The following ATP13A4 variants were observed in gnomAD, a reference collection of about 807,000 sequenced individuals.
The protein encoded by ATP13A4 is ATPase 13A4.
Under a neutral mutation model 142.5 loss-of-function variants are expected in ATP13A4, and 114 were observed. The observed-to-expected ratio is 0.80, with a 90% confidence interval of 0.69 to 0.93. The LOEUF is 0.93. Among genes scored for constraint, ATP13A4 ranks in the 40% least tolerant of loss-of-function variants. The probability of loss-of-function intolerance (pLI) is 0.00; values close to 1 mark genes in which losing one functional copy is unlikely to be tolerated. For missense variants in ATP13A4, 1,392 were observed against 1,454.0 expected (o/e 0.96, Z 0.69); for synonymous variants, 488 against 514.8 (o/e 0.95, Z 0.70).
rs1717076012 is a variant in ATP13A4, at chr3:193,448,333, G to A, written c.2028-3C>T. On this transcript the variant is annotated splice_region_variant and splice_polypyrimidine_tract_variant and intron_variant, in intron 17 of 29. Transcript: ENST00000342695. ...TCAGGTCTGATTCTACCGTCTCCCTGAAAATACATATATAGATGTATTGAA... is the reference window on the plus strand; with the variant it reads ...TCAGGTCTGATTCTACCGTCTCCCTAAAAATACATATATAGATGTATTGAA... 1 of 1,613,660 alleles carries A rather than the reference G, an allele frequency of 6.2e-7. No homozygotes were observed. Among genetic ancestry groups the A allele is most frequent in the Non-Finnish European group, 8.5e-7 (1 of 1,179,942 alleles).
At chr3:193,458,737 G>A (rs980425997) in intron 14 of ATP13A4, 16 of 482,286 alleles carry the variant, frequency 3.3e-5, no homozygotes, top group African/African-American at 9.6e-5. Context: ...GAAAATCTTC[G>A]AAACCAGACA....
intron 26 of ATP13A4, among the ~76,000 whole-genome samples, chr3:193,412,826 A>G (rs1358550077): frequency 1.3e-5 from 2 of 152,178 alleles, no homozygotes; most frequent in African/African-American, 4.8e-5. Flanking sequence ...GTTTGAGACC[A>G]GCCTGGCCCA....
At chr3:193,554,449 T>C (rs1394681129) in intron 1 of ATP13A4, 1 of 480,894 alleles carries the variant, frequency 2.1e-6, no homozygotes, top group African/African-American at 2.0e-5. Context: ...CAAACAAGAA[T>C]CATAAAGTGC....
upstream of ATP13A4, among the ~76,000 whole-genome samples, chr3:193,556,327 C>T (rs1723887096): frequency 6.6e-6 from 1 of 152,052 alleles, no homozygotes; most frequent in Non-Finnish European, 1.5e-5. Context: ...CCAACCTGAC[C>T]CAAATAACCC....
At chr3:193,476,006 A>T (rs771811386) in intron 8 of ATP13A4, among the ~76,000 whole-genome samples, 3 of 152,080 alleles carry the variant, frequency 2.0e-5, no homozygotes, top group Admixed American at 6.5e-5. Flanking sequence ...AAACACAAGT[A>T]CAATGAATAA....
In ATP13A4 at chr3:193,456,895, T is replaced by C. The variant is rs879241625; in HGVS notation, c.1915+105A>G. 91 of 1,367,204 alleles carry C rather than the reference T, an allele frequency of 6.7e-5. 1 individual carries two copies. In the South Asian group the frequency reaches 7.1e-4, roughly 11 times the overall value. The allele number at this position is 1,367,204 out of a possible 1,614,324, so 84.7% of individuals were successfully genotyped here. On this transcript the variant is annotated intron_variant, in intron 16 of 29. Coordinates refer to ENST00000342695, the MANE Select transcript of ATP13A4 (RefSeq NM_032279.4). ...TTTGGAATGCCAGTGAGCCACCCAA[T>C]TGGTGATGACCCATAGGCGATTGAA...
In ATP13A4 at chr3:193,459,193, AAAG is replaced by A; in HGVS notation, c.1559_1561del (p.Ala520_Leu521delinsVal). ...CGCTGCACACAGTGGGCCCCATGGC[AAAG>A]CCTGGCCTGAGGCAAAGCTGTGAAC... On this transcript the variant is annotated inframe_deletion, in exon 14 of 30. Coordinates refer to ENST00000342695, the MANE Select transcript of ATP13A4 (RefSeq NM_032279.4). 6.2e-7 allele frequency: 1 copy of A among 1,614,258 alleles called. No homozygotes were observed. Among genetic ancestry groups the A allele is most frequent in the South Asian group, 1.1e-5 (1 of 91,084 alleles).
chr3:193,462,222 CA>C (rs57279285), intron 13 of ATP13A4, among the ~76,000 whole-genome samples: 53,974 of 109,590 alleles, frequency 0.49, 9,977 homozygotes, highest in South Asian at 0.55. Flanking sequence ...AACTCCGTCT[CA>C]AAAAAAAAAA....
intron 1 of ATP13A4, among the ~76,000 whole-genome samples, chr3:193,547,549 C>T (rs1273500051): frequency 6.6e-6 from 1 of 152,200 alleles, no homozygotes; most frequent in Non-Finnish European, 1.5e-5. Flanking sequence ...TCATACTCCA[C>T]CCTCCAGGCA....
At chr3:193,483,203 G>A (rs2108657931) in intron 8 of ATP13A4, among the ~76,000 whole-genome samples, 1 of 152,154 alleles carries the variant, frequency 6.6e-6, no homozygotes, top group South Asian at 2.1e-4. Context: ...ATAATATTGA[G>A]CCTGGAAATG....
chr3:193,503,943 G>T (rs1373584189), intron 2 of ATP13A4, among the ~76,000 whole-genome samples: 2 of 151,392 alleles, frequency 1.3e-5, no homozygotes, highest in Non-Finnish European at 2.9e-5. Context: ...GGTAGGAATT[G>T]TGTATGATGC....
intron 25 of ATP13A4, among the ~76,000 whole-genome samples, chr3:193,421,670 A>T (rs1460761950): frequency 6.7e-6 from 1 of 149,910 alleles, no homozygotes; most frequent in East Asian, 2.1e-4. Context: ...AATTGGGGGA[A>T]GGATGAAAGT....
At chr3:193,565,885 T>G (rs1483580971) in intron 2 of ATP13A4, among the ~76,000 whole-genome samples, 1 of 152,264 alleles carries the variant, frequency 6.6e-6, no homozygotes, top group African/African-American at 2.4e-5. Context: ...TGAGCCTCAG[T>G]TGACTAATCT....
At chr3:193,421,726 C>T (rs1466446386) in intron 25 of ATP13A4, among the ~76,000 whole-genome samples, 4 of 149,772 alleles carry the variant, frequency 2.7e-5, no homozygotes, top group East Asian at 4.1e-4. Flanking sequence ...CAGTGTAAAA[C>T]AGTCCATTAT....
chr3:193,539,401 G>A (rs1284861050), intron 1 of ATP13A4, among the ~76,000 whole-genome samples: 3 of 152,176 alleles, frequency 2.0e-5, no homozygotes, highest in African/African-American at 4.8e-5. Context: ...CCTGTGGCAT[G>A]GACAACTTCT....
rs548513569 is a variant in ATP13A4 at position 193,408,142 on chromosome 3, G to A, written c.3298-749C>T. Among the ~76,000 whole-genome samples the A allele has an allele frequency of 7.4e-4, 113 of 152,372 alleles. 1 individual carries two copies. The highest frequency in any genetic ancestry group is 1.2e-3 in the Non-Finnish European group (85 of 68,042). ...GTGCCAAGGGCATCCCATTGTATCT[G>A]GCACTGACTTATGCATTGCCTCATA... On this transcript the variant is annotated intron_variant, in intron 28 of 29. Coordinates refer to ENST00000342695, the MANE Select transcript of ATP13A4 (RefSeq NM_032279.4).
chr3:193,459,110 C>G lies in ATP13A4; in HGVS notation c.1645G>C (p.Asp549His), dbSNP rs756351407. Reference sequence around the variant, plus strand: ...GTGGTGGCTTCAAACATTTTGAGGTCCAGAGGGTCTCCCTGGATGGTCCCA... The same window carrying G: ...GTGGTGGCTTCAAACATTTTGAGGTGCAGAGGGTCTCCCTGGATGGTCCCA... Reference protein sequence around the residue: ...LDGTIQGDPLDLKMFEATTWE... With the variant: ...LDGTIQGDPLHLKMFEATTWE... Residue 549 changes from aspartate to histidine, a missense_variant, in exon 14 of 30, where the codon GAC (aspartate) becomes CAC (histidine). Physicochemically the swap from Asp to His is moderately conservative, Grantham distance 81. Coordinates refer to ENST00000342695, the MANE Select transcript of ATP13A4 (RefSeq NM_032279.4). The G allele has an allele frequency of 6.2e-7, 1 of 1,614,240 alleles. No homozygotes were observed. Among genetic ancestry groups the G allele is most frequent in the Non-Finnish European group, 8.5e-7 (1 of 1,180,048 alleles).
Position 193,573,276 on chromosome 3 carries a change from C to CGTATATATATATATATTCTTAT in ATP13A4, n.291+8430_291+8431insATAAGAATATATATATATATAC, listed in dbSNP as rs745558107. Among the ~76,000 whole-genome samples the CGTATATATATATATATTCTTAT allele has an allele frequency of 3.9e-5, 3 of 77,844 alleles. 1 individual carries two copies. Among genetic ancestry groups the CGTATATATATATATATTCTTAT allele is most frequent in the Non-Finnish European group, 2.5e-5 (1 of 40,570 alleles). The allele number at this position is 77,844 out of a possible 152,430, so 51.1% of individuals were successfully genotyped here. A position where few individuals can be genotyped will look rare whatever the true frequency, so the allele number is the denominator to read the frequency against. On this transcript the variant is annotated intron_variant and non_coding_transcript_variant, in intron 2 of 3. Transcript: ENST00000489140. Reference sequence around the variant, plus strand: ...TACCACAGCCATATATATATATATACATATATATATATACACATATATATA... The same window carrying CGTATATATATATATATTCTTAT: ...TACCACAGCCATATATATATATATACGTATATATATATATATTCTTATATATATATATATACACATATATATA...
intron 16 of ATP13A4, among the ~76,000 whole-genome samples, chr3:193,455,340 CAAAAAAA>C (rs71179306): frequency 1.3e-5 from 1 of 75,606 alleles, no homozygotes; most frequent in African/African-American, 5.3e-5. Context: ...GACTCCGTCT[CAAAAAAA>C]AAAAAAAAAA....
Sources: gnomAD v4.1 joint callset for allele counts (sites outside exome capture counted in the v4.1 genomes callset) on GRCh38, gnomAD v4.1.1 for gene constraint, MANE v1.5 for transcripts, NCBI Gene and HGNC (gene_info 2026-07-23, HGNC 2026-07-21) for gene names.